The following KCNH1 variants were observed in gnomAD, a reference collection of about 807,000 sequenced individuals.
KCNH1 encodes potassium voltage-gated channel subfamily H member 1.
Under a neutral mutation model 69.2 loss-of-function variants are expected in KCNH1, and 27 were observed. The ratio of observed to expected loss-of-function variants is 0.39; its 90% CI spans 0.29 to 0.54. The LOEUF (loss-of-function observed/expected upper bound fraction) is 0.54. Among genes scored for constraint, KCNH1 ranks in the 20% least tolerant of loss-of-function variants. KCNH1 has a pLI of 0.68. For missense variants in KCNH1, 798 were observed against 1,261.6 expected (o/e 0.63, Z 5.57); for synonymous variants, 456 against 487.7 (o/e 0.93, Z 0.86).
At chr1:210,703,990 C>T (rs115096223) in intron 10 of KCNH1, among the ~76,000 whole-genome samples, 46 of 152,194 alleles carry the variant, frequency 3.0e-4, no homozygotes, top group African/African-American at 1.0e-3. Flanking sequence ...GCCAAGTGCT[C>T]TACGAGAGAC....
At chr1:210,695,318 A>G (rs1269182463) in intron 10 of KCNH1, among the ~76,000 whole-genome samples, 1 of 152,232 alleles carries the variant, frequency 6.6e-6, no homozygotes, top group East Asian at 1.9e-4. Context: ...TTGTGAGAGC[A>G]TTATTCCCAG....
At chr1:210,684,869 C>T (rs1681374030) in intron 10 of KCNH1, among the ~76,000 whole-genome samples, 2 of 152,130 alleles carry the variant, frequency 1.3e-5, no homozygotes, top group African/African-American at 4.8e-5. Flanking sequence ...TTCATGTATT[C>T]CTTTTGACAG....
intron 9 of KCNH1, among the ~76,000 whole-genome samples, chr1:210,791,483 C>T (rs915899797): frequency 2.0e-5 from 3 of 152,206 alleles, no homozygotes; most frequent in African/African-American, 7.2e-5. Context: ...TTTACTCATG[C>T]TGGTCCCTGA....
chr1:210,748,571 C>A (rs1683215386), intron 10 of KCNH1, among the ~76,000 whole-genome samples: 1 of 152,150 alleles, frequency 6.6e-6, no homozygotes, highest in Admixed American at 6.5e-5. Context: ...GCTACATAAT[C>A]ATAATAATAA....
At chr1:211,130,688 G>T in intron 1 of KCNH1, among the ~76,000 whole-genome samples, 1 of 152,078 alleles carries the variant, frequency 6.6e-6, no homozygotes, top group Middle Eastern at 3.2e-3. Context: ...TTAGTTTAAG[G>T]ATTTTAGTTC....
intron 3 of KCNH1, among the ~76,000 whole-genome samples, chr1:211,101,227 C>G (rs1691251612): frequency 6.6e-6 from 1 of 152,162 alleles, no homozygotes; most frequent in Admixed American, 6.5e-5. Flanking sequence ...CTGTGTCTAT[C>G]TCTTCATACT....
intron 4 of KCNH1, among the ~76,000 whole-genome samples, chr1:211,086,510 G>A (rs1690954911): frequency 6.6e-6 from 1 of 152,154 alleles, no homozygotes; most frequent in Admixed American, 6.5e-5. Context: ...AAATGAGAGG[G>A]GAAGTGGGCA....
At chr1:211,096,311 G>A (rs909492745) in intron 3 of KCNH1, among the ~76,000 whole-genome samples, 4 of 152,040 alleles carry the variant, frequency 2.6e-5, no homozygotes, top group East Asian at 1.9e-4. Context: ...TGATCTGCCC[G>A]CCTTGGCCTC....
chr1:210,704,093 A>ACAT (rs1681845602), intron 10 of KCNH1, among the ~76,000 whole-genome samples: 1 of 152,130 alleles, frequency 6.6e-6, no homozygotes, highest in African/African-American at 2.4e-5. Context: ...GCCAGAGCAG[A>ACAT]CATCACAATT....
intron 10 of KCNH1, among the ~76,000 whole-genome samples, chr1:210,768,028 C>T (rs1176672985): frequency 2.0e-5 from 3 of 152,178 alleles, no homozygotes; most frequent in African/African-American, 7.2e-5. Flanking sequence ...CCACCTGGAT[C>T]TCTAGGGCTA....
At chr1:210,880,822 G>A (rs1198796061) in intron 7 of KCNH1, among the ~76,000 whole-genome samples, 1 of 151,880 alleles carries the variant, frequency 6.6e-6, no homozygotes. Flanking sequence ...AATTCCAAAA[G>A]ACATGTTAGA....
intron 3 of KCNH1, among the ~76,000 whole-genome samples, chr1:211,102,075 G>A (rs774664476): frequency 1.3e-5 from 2 of 152,104 alleles, no homozygotes; most frequent in Non-Finnish European, 2.9e-5. Context: ...CTAAAGTACA[G>A]ATCTTCAAAT....
At chr1:211,094,511 T>C (rs1558602050) in intron 3 of KCNH1, among the ~76,000 whole-genome samples, 1 of 152,208 alleles carries the variant, frequency 6.6e-6, no homozygotes. Flanking sequence ...AACGACTGTT[T>C]CTTTAAATAG....
intron 7 of KCNH1, among the ~76,000 whole-genome samples, chr1:210,821,098 G>T (rs897699543): frequency 1.3e-5 from 2 of 152,142 alleles, no homozygotes; most frequent in South Asian, 2.1e-4. Context: ...AAAATGATCT[G>T]GGAGCTGTGA....
At chr1:211,014,485 G>C (rs1044323295) in intron 6 of KCNH1, among the ~76,000 whole-genome samples, 2 of 152,210 alleles carry the variant, frequency 1.3e-5, no homozygotes, top group African/African-American at 2.4e-5. Context: ...TTTAGCCAAA[G>C]GGATCACTTG....
chr1:210,986,616 C>T (rs1484216794), intron 6 of KCNH1, among the ~76,000 whole-genome samples: 1 of 152,220 alleles, frequency 6.6e-6, no homozygotes, highest in Non-Finnish European at 1.5e-5. Context: ...TCAGCCCCCA[C>T]TCTCTTCTGG....
At chr1:210,852,562 C>A (rs955234980) in intron 7 of KCNH1, among the ~76,000 whole-genome samples, 1 of 152,094 alleles carries the variant, frequency 6.6e-6, no homozygotes, top group Admixed American at 6.5e-5. Context: ...TTAAAGAGCC[C>A]CTTGTCCTTT....
At chr1:210,685,209 C>T (rs1413825377) in intron 10 of KCNH1, among the ~76,000 whole-genome samples, 1 of 152,114 alleles carries the variant, frequency 6.6e-6, no homozygotes. Flanking sequence ...GGCAGTTAGA[C>T]TCTGGGACGT....
Position 210,684,137 on chromosome 1 carries a change from A to T in KCNH1, c.2114T>A (p.Ile705Asn). 8 of 1,505,962 alleles carry T rather than the reference A, an allele frequency of 5.3e-6. No individual in the cohort carries two copies. Among genetic ancestry groups the T allele is most frequent in the Non-Finnish European group, 7.1e-6 (8 of 1,128,016 alleles). 93.3% of individuals were successfully genotyped at this position (1,505,962 alleles called of 1,614,324 possible). The part of the protein sequence containing the change: ...LILTYNLRKR[I>N]VFRKISDVKR... ...CACATCGCTGATCTTCCGGAACACA[A>T]TCTGGAGAGAGAGAGAGAGAGAATG... is the stretch of plus-strand genomic sequence containing the variant. Residue 705 changes from isoleucine to asparagine, a missense_variant and splice_region_variant, in exon 11 of 11, where the codon ATT (isoleucine) becomes AAT (asparagine). Physicochemically the swap from Ile to Asn is moderately radical, Grantham distance 149. Around this residue, in one of 4 missense-constraint regions of KCNH1, gnomAD observed 197 missense variants for 407.7 expected, o/e 0.48. Transcript: ENST00000271751.
Sources: gnomAD v4.1 joint callset for allele counts (sites outside exome capture counted in the v4.1 genomes callset) on GRCh38, gnomAD v4.1.1 for gene constraint, gnomAD v4.1.1 regional missense constraint, MANE v1.5 for transcripts, NCBI Gene and HGNC (gene_info 2026-07-23, HGNC 2026-07-21) for gene names.